ENTPD1: variants seen among roughly 807,000 people sequenced by gnomAD.
ENTPD1 encodes ectonucleoside triphosphate diphosphohydrolase 1.
A neutral mutation model predicts 57.0 loss-of-function variants in ENTPD1; 33 were observed. That is an observed-to-expected ratio of 0.58 (90% CI 0.44 to 0.77). The LOEUF (loss-of-function observed/expected upper bound fraction) is 0.77, where lower values mean the gene tolerates loss of function less well. ENTPD1 is among the 30% of genes least tolerant of loss of function. The pLI, the probability that ENTPD1 is intolerant of heterozygous loss-of-function variation, is 0.00. For synonymous variants in ENTPD1, 202 were observed against 218.8 expected, an observed-to-expected ratio of 0.92 and a Z score of 0.68; for missense variants, 501 against 603.4, an observed-to-expected ratio of 0.83 and a Z score of 1.78.
the ENTPD1 span, among the ~76,000 whole-genome samples, chr10:95,703,017 C>G: frequency 3.9e-5 from 6 of 152,056 alleles, no homozygotes; most frequent in Non-Finnish European, 7.4e-5. Flanking sequence ...GAATTCCTCA[C>G]CTCGTGATCC....
At chr10:95,768,068 C>T (rs558456299) in intron 1 of ENTPD1, among the ~76,000 whole-genome samples, 6 of 152,358 alleles carry the variant, frequency 3.9e-5, no homozygotes, top group Middle Eastern at 3.4e-3. Flanking sequence ...TGATCTGGAA[C>T]TTCCCAGCCT....
At chr10:95,772,218 A>C (rs1380746359) in intron 1 of ENTPD1, among the ~76,000 whole-genome samples, 1 of 152,164 alleles carries the variant, frequency 6.6e-6, no homozygotes, top group African/African-American at 2.4e-5. Flanking sequence ...TGAAGGTTGG[A>C]GTGGCTGTGG....
chr10:95,844,742 T>A lies in ENTPD1; in HGVS notation c.573+107T>A, dbSNP rs999431978. 9.0e-6 allele frequency: 11 copies of A among 1,227,452 alleles called. No individual in the cohort carries two copies. The South Asian group carries it at 1.3e-4, about 15-fold the overall frequency. 76.0% of individuals were successfully genotyped at this position (1,227,452 alleles called of 1,614,324 possible). ...CCAGAATGAATGAATGAATGATAGATGGATGGATGGATGGATGACTGGATG... is the reference window on the plus strand; with the variant it reads ...CCAGAATGAATGAATGAATGATAGAAGGATGGATGGATGGATGACTGGATG... On this transcript the variant is annotated intron_variant, in intron 5 of 9. Transcript: ENST00000371205.
At chr10:95,852,912 A>G (rs1393031039) in intron 7 of ENTPD1, among the ~76,000 whole-genome samples, 1 of 152,098 alleles carries the variant, frequency 6.6e-6, no homozygotes, top group African/African-American at 2.4e-5. Flanking sequence ...TTGGCAATGC[A>G]GGCTCTTTTT....
intron 1 of ENTPD1, among the ~76,000 whole-genome samples, chr10:95,789,826 T>C (rs1473731340): frequency 2.0e-5 from 3 of 152,220 alleles, no homozygotes; most frequent in Admixed American, 2.0e-4. Flanking sequence ...TTAACTGCAT[T>C]ACATACTATA....
intron 1 of ENTPD1, among the ~76,000 whole-genome samples, chr10:95,747,903 G>A (rs1312139827): frequency 2.7e-5 from 4 of 148,544 alleles, no homozygotes; most frequent in South Asian, 2.1e-4. Context: ...GTGGAGTCTC[G>A]CTCTGTCGCC....
intron 7 of ENTPD1, among the ~76,000 whole-genome samples, chr10:95,854,743 T>C (rs1345913771): frequency 6.6e-6 from 1 of 152,214 alleles, no homozygotes; most frequent in Admixed American, 6.5e-5. Flanking sequence ...TTGAGCAGTT[T>C]TGTGTGAGTT....
upstream of ENTPD1, among the ~76,000 whole-genome samples, chr10:95,707,682 G>A (rs528842577): frequency 6.6e-6 from 1 of 152,244 alleles, no homozygotes; most frequent in South Asian, 2.1e-4. Flanking sequence ...TTGGCTCACT[G>A]CAACCTCCAC....
chr10:95,762,126 G>C (rs953176112), intron 1 of ENTPD1, among the ~76,000 whole-genome samples: 1 of 150,286 alleles, frequency 6.7e-6, no homozygotes, highest in African/African-American at 2.5e-5. Flanking sequence ...TTTAGAGACC[G>C]ACAGTGGCAG....
intron 2 of ENTPD1, among the ~76,000 whole-genome samples, chr10:95,827,595 C>T (rs1180305163): frequency 1.3e-5 from 2 of 152,146 alleles, no homozygotes; most frequent in East Asian, 3.9e-4. Context: ...AAGCAATTCT[C>T]CTGCCTCAGC....
At chr10:95,711,822 C>G in exon 1 of ENTPD1, 2 of 1,234,916 alleles carry the variant, frequency 1.6e-6, no homozygotes, top group Non-Finnish European at 2.4e-6. Flanking sequence ...TATGCCTTTT[C>G]TCCTATTAAC....
chr10:95,856,242 G>T (rs2098454481), intron 7 of ENTPD1, among the ~76,000 whole-genome samples: 2 of 152,090 alleles, frequency 1.3e-5, no homozygotes, highest in East Asian at 1.9e-4. Context: ...ATGAAAAAAT[G>T]CTCAACATCA....
intron 1 of ENTPD1, among the ~76,000 whole-genome samples, chr10:95,728,778 T>G (rs539719667): frequency 6.6e-6 from 1 of 152,206 alleles, no homozygotes; most frequent in African/African-American, 2.4e-5. Flanking sequence ...ATGAAATCAT[T>G]ACAATAGTAC....
intron 1 of ENTPD1, among the ~76,000 whole-genome samples, chr10:95,744,272 T>C (rs2098003666): frequency 6.6e-6 from 1 of 152,016 alleles, no homozygotes; most frequent in Admixed American, 6.6e-5. Flanking sequence ...ATTATGAATC[T>C]TGGGAGACAG....
the ENTPD1 span, among the ~76,000 whole-genome samples, chr10:95,695,589 A>T: frequency 3.8e-4 from 58 of 152,272 alleles, 1 homozygote; most frequent in South Asian, 0.011. Flanking sequence ...ATATGTTTTT[A>T]TGTTGTTGTG....
Position 95,869,707 on chromosome 10 carries a change from G to A in ENTPD1, c.*3324G>A, listed in dbSNP as rs868042453. 1 of 948,944 alleles carries A rather than the reference G, an allele frequency of 1.1e-6. No homozygotes were observed. The highest frequency in any genetic ancestry group is 1.3e-6 in the Non-Finnish European group (1 of 796,888). 58.8% of individuals were successfully genotyped at this position (948,944 alleles called of 1,614,324 possible). A position where few individuals can be genotyped will look rare whatever the true frequency, so the allele number is the denominator to read the frequency against. ...TAAAATTACACTTCATTTTAATGTT[G>A]TATCAGTCAAGGTCCCTGCAAGAGA... is the stretch of plus-strand genomic sequence containing the variant. On this transcript the variant is annotated 3_prime_UTR_variant, in exon 10 of 10. Coordinates refer to ENST00000371205, the MANE Select transcript of ENTPD1 (RefSeq NM_001776.6).
chr10:95,863,293 G>T (rs1306042575), intron 8 of ENTPD1, among the ~76,000 whole-genome samples: 1 of 152,228 alleles, frequency 6.6e-6, no homozygotes, highest in African/African-American at 2.4e-5. Flanking sequence ...ACCTACAGGG[G>T]CTCAGCACTT....
rs149859365 is a variant in ENTPD1 at position 95,871,066 on chromosome 10, TG to T, written c.*4687del. 11,847 of 985,346 alleles carry T rather than the reference TG, an allele frequency of 0.012. 171 individuals carry two copies. Among genetic ancestry groups the T allele is most frequent in the African/African-American group, 0.067 (3,817 of 57,326 alleles). The allele number at this position is 985,346 out of a possible 1,614,324, so 61.0% of individuals were successfully genotyped here. A position where few individuals can be genotyped will look rare whatever the true frequency, so the allele number is the denominator to read the frequency against. ...ATGCCTCTTAAGGTCTTGGTCAGGA[TG>T]GGGTCTCCTGTCACTTCTGTCACAG... On this transcript the variant is annotated 3_prime_UTR_variant, in exon 10 of 10. Coordinates refer to ENST00000371205, the MANE Select transcript of ENTPD1 (RefSeq NM_001776.6).
chr10:95,852,138 G>T (rs1476929771), intron 7 of ENTPD1, among the ~76,000 whole-genome samples: 2 of 152,134 alleles, frequency 1.3e-5, no homozygotes, highest in African/African-American at 4.8e-5. Context: ...GGTGTGAGAT[G>T]GTATCTCATT....
Sources: allele counts gnomAD v4.1 joint callset (sites outside exome capture counted in the v4.1 genomes callset), GRCh38; gene constraint gnomAD v4.1.1; transcripts MANE v1.5; gene names NCBI Gene and HGNC (gene_info 2026-07-23, HGNC 2026-07-21).